MYO15B: variants seen among roughly 807,000 people sequenced by gnomAD.
MYO15B encodes the protein myosin XVB, also known as myosin XVB pseudogene.
Under a neutral mutation model 119.3 loss-of-function variants are expected in MYO15B, and 207 were observed. The observed-to-expected ratio is 1.73, with a 90% CI of 1.55 to 1.95. The LOEUF is 1.95. MYO15B is among the 30% of genes most tolerant of loss of function. MYO15B has a pLI of 0.00. For missense variants in MYO15B, 2,264 were observed against 1,203.1 expected, an observed-to-expected ratio of 1.88 and a Z score of -13.04; for synonymous variants, 966 against 498.9, an observed-to-expected ratio of 1.94 and a Z score of -12.48.
Position 75,615,778 on chromosome 17 carries a change from CT to C in MYO15B, c.5925del (p.Ala1976ArgfsTer34). The C allele has an allele frequency of 1.4e-6, 1 of 702,360 alleles. No homozygotes were observed. The highest frequency in any genetic ancestry group is 2.6e-6 in the Non-Finnish European group (1 of 384,786). The allele number at this position is 702,360 out of a possible 1,614,324, so 43.5% of individuals were successfully genotyped here. ...CAGCAGCAGGCTCGGGCCTCCGAGG[CT>C]GCGTCCCAGGCCTCACCCTCAGCCG... On this transcript the variant is annotated frameshift_variant, in exon 36 of 64. Coordinates refer to ENST00000645453, the Ensembl canonical transcript of MYO15B. LOFTEE classifies it high-confidence loss of function.
chr17:75,603,658 G>A (rs2057433662), intron 19 of MYO15B, among the ~76,000 whole-genome samples: 1 of 151,644 alleles, frequency 6.6e-6, no homozygotes, highest in Non-Finnish European at 1.5e-5. Context: ...GGGAGTGCAG[G>A]CTGAAGCAGT....
intron 21 of MYO15B, among the ~76,000 whole-genome samples, chr17:75,609,113 A>C (rs1375399294): frequency 6.6e-6 from 1 of 151,190 alleles, no homozygotes; most frequent in East Asian, 2.0e-4. Flanking sequence ...TGATCCTCCC[A>C]CTTGAGCCTC....
intron 14 of MYO15B, among the ~76,000 whole-genome samples, chr17:75,597,611 G>T (rs1445909403): frequency 6.6e-6 from 1 of 152,228 alleles, no homozygotes; most frequent in South Asian, 2.1e-4. Flanking sequence ...AGTGCAGCAG[G>T]AGAGAAATGT....
rs1254129721 is a variant in MYO15B, at chr17:75,596,886, C to T, written c.3512C>T (p.Thr1171Ile). ...CTCCTGAGTATCCTGGACGCCCAGA[C>T]ATGGCTGTCCCAGGTAAGGGCCAGG... is the stretch of plus-strand genomic sequence containing the variant. Residue 1171 changes from threonine (T) to isoleucine (I), a missense_variant, in exon 14 of 64, where the codon ACA becomes ATA. Physicochemically the swap from Thr to Ile is moderately conservative, Grantham distance 89. Coordinates refer to ENST00000645453, the Ensembl canonical transcript of MYO15B. 8.6e-6 allele frequency: 6 copies of T among 701,662 alleles called. No individual in the cohort carries two copies. In the Admixed American group the frequency reaches 1.0e-4, roughly 12 times the overall value. 43.5% of individuals were successfully genotyped at this position (701,662 alleles called of 1,614,324 possible).
chr17:75,618,596 C>T (rs2058518075), intron 43 of MYO15B, among the ~76,000 whole-genome samples: 1 of 152,228 alleles, frequency 6.6e-6, no homozygotes, highest in Admixed American at 6.5e-5. Flanking sequence ...TTGTAGTGAG[C>T]CGAGATTGTG....
chr17:75,606,584 C>T (rs1234175868), intron 21 of MYO15B, among the ~76,000 whole-genome samples: 1 of 152,160 alleles, frequency 6.6e-6, no homozygotes, highest in African/African-American at 2.4e-5. Context: ...AGTGATTCTC[C>T]TGCCTCAGCC....
chr17:75,618,722 G>A (rs1164141796), intron 43 of MYO15B, among the ~76,000 whole-genome samples: 1 of 152,214 alleles, frequency 6.6e-6, no homozygotes, highest in Non-Finnish European at 1.5e-5. Flanking sequence ...TGCGTACAGT[G>A]CACAACACAG....
chr17:75,602,522 C>T (rs746753001), exon 16 of MYO15B: 17 of 702,320 alleles, frequency 2.4e-5, no homozygotes, highest in Admixed American at 1.0e-4. Flanking sequence ...TGCAGGTTCA[C>T]AAGTTTTTAA....
In MYO15B at chr17:75,591,636, A is replaced by G. The variant is rs757094498; in HGVS notation, c.2471A>G (p.Lys824Arg). 2.5e-4 allele frequency: 179 copies of G among 702,840 alleles called. 1 individual carries two copies. The South Asian group carries it at 2.6e-3, about 10-fold the overall frequency. 43.5% of individuals were successfully genotyped at this position (702,840 alleles called of 1,614,324 possible). The change falls in exon 5 of 64, where the codon AAG becomes AGG. Residue 824 changes from lysine (K) to arginine (R), a missense_variant. Coordinates refer to ENST00000645453, the Ensembl canonical transcript of MYO15B. ...TGCAGTGGGCACAGTGGCTCAGGGA[A>G]GACGGAAGCCGCCAAAAAGATCATG... is the stretch of plus-strand genomic sequence containing the variant.
intron 21 of MYO15B, among the ~76,000 whole-genome samples, chr17:75,608,229 C>T (rs2147930259): frequency 6.6e-6 from 1 of 152,136 alleles, no homozygotes; most frequent in East Asian, 1.9e-4. Flanking sequence ...AGCCATTCTC[C>T]TGCCTCAGCC....
intron 29 of MYO15B, 58 bp from the exon 30 acceptor site, chr17:75,614,141 G>A: frequency 1.5e-6 from 1 of 688,816 alleles, no homozygotes. Flanking sequence ...CCCACCCTGT[G>A]GTCCTTGCCC....
chr17:75,601,301 AGC>A, intron 14 of MYO15B, 135 bp from the exon 15 acceptor site: 1 of 588,668 alleles, frequency 1.7e-6, no homozygotes, highest in Non-Finnish European at 3.1e-6. Context: ...GGCCTCCCAA[AGC>A]GCTTGTTTTG....
Position 75,623,935 on chromosome 17 carries a change from G to A in MYO15B, c.8157-14G>A, listed in dbSNP as rs998908601. 7 of 702,960 alleles carry A rather than the reference G, an allele frequency of 1.0e-5. No homozygotes were observed. Among genetic ancestry groups the A allele is most frequent in the East Asian group, 2.7e-5 (1 of 37,280 alleles). 43.5% of individuals were successfully genotyped at this position (702,960 alleles called of 1,614,324 possible). On this transcript the variant is annotated splice_polypyrimidine_tract_variant and intron_variant, in intron 54 of 63. Coordinates refer to ENST00000645453, the Ensembl canonical transcript of MYO15B. Reference sequence around the variant, plus strand: ...GGCCTGGCCAGCCTGAAGCCCGAGCGCTCTGCCCTGCAGGGAACACTGCAC... The same window carrying A: ...GGCCTGGCCAGCCTGAAGCCCGAGCACTCTGCCCTGCAGGGAACACTGCAC...
rs565146376 is a variant in MYO15B, at chr17:75,592,123, T to C, written c.2651+43T>C. 1.3e-3 allele frequency: 923 copies of C among 702,166 alleles called. 6 individuals are homozygous for C. The highest frequency in any genetic ancestry group is 6.7e-4 in the Non-Finnish European group (259 of 384,604). 43.5% of individuals were successfully genotyped at this position (702,166 alleles called of 1,614,324 possible). A position where few individuals can be genotyped will look rare whatever the true frequency, so the allele number is the denominator to read the frequency against. On this transcript the variant is annotated intron_variant, in intron 6 of 63. Coordinates refer to ENST00000645453, the Ensembl canonical transcript of MYO15B. Reference sequence around the variant, plus strand: ...AGGGGGCACCTACAATCACTTACCCTTCCTGGGTCCTTGGGCTGCTTCCCT... The same window carrying C: ...AGGGGGCACCTACAATCACTTACCCCTCCTGGGTCCTTGGGCTGCTTCCCT...
exon 21 of MYO15B, chr17:75,605,974 G>A (rs1168672208): frequency 2.8e-6 from 2 of 702,604 alleles, no homozygotes; most frequent in East Asian, 5.4e-5. Context: ...TCTCCCGCCA[G>A]CGCGTCCTGC....
Position 75,592,228 on chromosome 17 carries a change from G to A in MYO15B, c.2652-10G>A, listed in dbSNP as rs1158358156. ...TCCTGGGCACTCACACCCATCTTCT[G>A]TGCCCACAGAGGGGTCATCGTGGGA... On this transcript the variant is annotated splice_polypyrimidine_tract_variant and intron_variant, in intron 6 of 63. Coordinates refer to ENST00000645453, the Ensembl canonical transcript of MYO15B. 1 of 702,744 alleles carries A rather than the reference G, an allele frequency of 1.4e-6. No individual in the cohort carries two copies. Among genetic ancestry groups the A allele is most frequent in the Non-Finnish European group, 2.6e-6 (1 of 384,908 alleles). The allele number at this position is 702,744 out of a possible 1,614,324, so 43.5% of individuals were successfully genotyped here. A position where few individuals can be genotyped will look rare whatever the true frequency, so the allele number is the denominator to read the frequency against.
intron 21 of MYO15B, among the ~76,000 whole-genome samples, chr17:75,609,897 G>A (rs993335562): frequency 6.6e-6 from 1 of 151,444 alleles, no homozygotes; most frequent in Non-Finnish European, 1.5e-5. Context: ...CACCATGTTG[G>A]CCAGGCTGGT....
At chr17:75,591,699 A>C in exon 5 of MYO15B, 1 of 702,930 alleles carries the variant, frequency 1.4e-6, no homozygotes, top group Non-Finnish European at 2.6e-6. Flanking sequence ...CAGACGGGGA[A>C]CCGAGAGTGT....
intron 21 of MYO15B, among the ~76,000 whole-genome samples, chr17:75,609,690 T>C (rs893206383): frequency 1.4e-5 from 2 of 146,750 alleles, no homozygotes; most frequent in African/African-American, 5.3e-5. Flanking sequence ...TTCCCTTCCT[T>C]CCTTCCTCCC....
Sources: allele counts gnomAD v4.1 joint callset (sites outside exome capture counted in the v4.1 genomes callset), GRCh38; gene constraint gnomAD v4.1.1; transcripts MANE v1.5; gene names NCBI Gene and HGNC (gene_info 2026-07-23, HGNC 2026-07-21).